Variants in CEP95 observed in about 807,000 individuals in gnomAD.
CEP95 encodes the protein centrosomal protein 95.
CEP95 carries 98 observed loss-of-function variants against 111.2 expected under a neutral mutation model. The observed-to-expected ratio is 0.88, with a 90% CI of 0.75 to 1.04. The LOEUF (loss-of-function observed/expected upper bound fraction) is 1.04, where lower values mean the gene tolerates loss of function less well. CEP95 is among the 50% of genes least tolerant of loss of function. The pLI is 0.00. For synonymous variants in CEP95, 323 were observed against 327.1 expected (o/e 0.99, Z 0.14); for missense variants, 1,027 against 977.2 (o/e 1.05, Z -0.68).
At chr17:64,506,868 C>G (rs1384132895), upstream of CEP95, 1 of 634,590 alleles carries the variant, frequency 1.6e-6, no homozygotes, top group East Asian at 2.7e-5. Flanking sequence ...AGAATGGTCT[C>G]TAAACTTCCC....
chr17:64,537,858 T>A lies in CEP95; in HGVS notation c.*79T>A. 1 of 741,894 alleles carries A rather than the reference T, an allele frequency of 1.3e-6. No homozygotes were observed. Among genetic ancestry groups the A allele is most frequent in the Non-Finnish European group, 1.9e-6 (1 of 519,194 alleles). 46.0% of individuals were successfully genotyped at this position (741,894 alleles called of 1,614,324 possible). On this transcript the variant is annotated 3_prime_UTR_variant, in exon 20 of 20. Coordinates refer to ENST00000556440, the MANE Select transcript of CEP95 (RefSeq NM_138363.3). The stretch of plus-strand genomic sequence containing the variant: ...GCTAGAATCGAGCCAGTAAACAGTC[T>A]AAGCCAGAAAAATAATTTTCAAATG...
chr17:64,524,255 T>A (rs1362108653), intron 8 of CEP95, among the ~76,000 whole-genome samples: 1 of 152,220 alleles, frequency 6.6e-6, no homozygotes, highest in East Asian at 1.9e-4. Context: ...TACTTTATTT[T>A]AAAAGTTTTA....
chr17:64,535,154 C>G (rs1968562813), intron 17 of CEP95: 1 of 190,788 alleles, frequency 5.2e-6, no homozygotes, highest in African/African-American at 2.4e-5. Flanking sequence ...CCTAATCAGG[C>G]TGTGAAATGA....
chr17:64,537,663 C>A lies in CEP95; in HGVS notation c.2350C>A (p.Gln784Lys), dbSNP rs1968748281. 1 of 1,612,798 alleles carries A rather than the reference C, an allele frequency of 6.2e-7. No individual in the cohort carries two copies. The highest frequency in any genetic ancestry group is 1.3e-5 in the African/African-American group (1 of 74,894). ...GATGGAGAAGGAAATTCAGCAGCTGCAGGACATGATAACACAGAATGATGA... is the reference window on the plus strand; with the variant it reads ...GATGGAGAAGGAAATTCAGCAGCTGAAGGACATGATAACACAGAATGATGA... ...SKMEKEIQQL[Q>K]DMITQNDDDV... is the part of the protein sequence containing the mutation. Residue 784 changes from glutamine (Q) to lysine (K), a missense_variant, in exon 20 of 20, where the codon CAG becomes AAG. By Grantham distance (53) the Gln-to-Lys change is moderately conservative. Transcript: ENST00000556440.
rs554843429 is a variant in CEP95 at position 64,510,583 on chromosome 17, T to C, written c.256+303T>C. Among the ~76,000 whole-genome samples the C allele has an allele frequency of 3.9e-5, 6 of 152,340 alleles. No individual in the cohort carries two copies. The East Asian group carries it at 1.2e-3, about 29-fold the overall frequency. ...TATTTTTATTTTTTGATTCAGAGTC[T>C]CTGTTGCCCAGGCTGGAGTGCAGTG... On this transcript the variant is annotated intron_variant, in intron 3 of 19. Coordinates refer to ENST00000556440, the MANE Select transcript of CEP95 (RefSeq NM_138363.3).
chr17:64,520,656 CTAA>C (rs1167615293), intron 6 of CEP95: 3 of 152,172 alleles, frequency 2.0e-5, no homozygotes, highest in African/African-American at 7.2e-5. Context: ...TGGTCTTGAA[CTAA>C]TAACCTCAAG....
Position 64,507,001 on chromosome 17 carries a change from T to G in CEP95, c.-97T>G. On this transcript the variant is annotated 5_prime_UTR_variant, in exon 1 of 20. Coordinates refer to ENST00000556440, the MANE Select transcript of CEP95 (RefSeq NM_138363.3). Reference sequence around the variant, plus strand: ...CCTTCCCCGCGCTTTGGTTCGTGCGTCCGCGCCCCAGTGTCGGGTCTGCGT... The same window carrying G: ...CCTTCCCCGCGCTTTGGTTCGTGCGGCCGCGCCCCAGTGTCGGGTCTGCGT... 1 of 1,425,332 alleles carries G rather than the reference T, an allele frequency of 7.0e-7. No homozygotes were observed. The highest frequency in any genetic ancestry group is 9.7e-7 in the Non-Finnish European group (1 of 1,032,776). The allele number at this position is 1,425,332 out of a possible 1,614,324, so 88.3% of individuals were successfully genotyped here.
At chr17:64,530,509 T>A (rs1361732929) in intron 12 of CEP95, among the ~76,000 whole-genome samples, 1 of 147,306 alleles carries the variant, frequency 6.8e-6, no homozygotes, top group Admixed American at 6.7e-5. Flanking sequence ...CTTTTGTATT[T>A]TTTTTTTTTT....
chr17:64,522,288 T>G (rs1967413949), intron 7 of CEP95, among the ~76,000 whole-genome samples: 1 of 152,218 alleles, frequency 6.6e-6, no homozygotes, highest in Non-Finnish European at 1.5e-5. Context: ...TCAAGCCATT[T>G]AAGTTGCTTC....
intron 12 of CEP95, 131 bp from the exon 13 acceptor site, chr17:64,530,795 G>A (rs972661007): frequency 1.3e-5 from 7 of 525,926 alleles, no homozygotes; most frequent in Admixed American, 7.4e-5. Flanking sequence ...TTGGATGCTC[G>A]GTTGAGGCAC....
chr17:64,508,007 C>T (rs907227682), intron 1 of CEP95: 3 of 985,094 alleles, frequency 3.0e-6, no homozygotes, highest in South Asian at 9.4e-5. Flanking sequence ...CCCATATTTT[C>T]TTTCATATAG....
At chr17:64,522,568 T>C (rs1967438009) in intron 7 of CEP95, 134 bp from the exon 8 acceptor site, 1 of 566,954 alleles carries the variant, frequency 1.8e-6, no homozygotes, top group African/African-American at 1.9e-5. Flanking sequence ...ATTATTTTTT[T>C]ATGTGCTTTG....
At chr17:64,530,013 A>T (rs1555679931) in intron 12 of CEP95, among the ~76,000 whole-genome samples, 1 of 152,254 alleles carries the variant, frequency 6.6e-6, no homozygotes, top group East Asian at 1.9e-4. Context: ...TCCACTCAGG[A>T]GAGTATCAAA....
chr17:64,522,291 G>A (rs1240742672), intron 7 of CEP95, among the ~76,000 whole-genome samples: 1 of 152,030 alleles, frequency 6.6e-6, no homozygotes, highest in Admixed American at 6.6e-5. Context: ...AGCCATTTAA[G>A]TTGCTTCCAG....
chr17:64,531,902 AGAG>A lies in CEP95; in HGVS notation c.1556_1558del (p.Gly519del). ...ATCTGCTTCTAAGGAAAAAATATAC[AGAG>A]GAGAAGCTGTTCGTAAAGGAACTCC... On this transcript the variant is annotated inframe_deletion, in exon 14 of 20. Transcript: ENST00000556440. The A allele has an allele frequency of 1.3e-6, 2 of 1,577,354 alleles. No homozygotes were observed. Among genetic ancestry groups the A allele is most frequent in the Non-Finnish European group, 1.7e-6 (2 of 1,166,754 alleles).
rs1967460360 is a variant in CEP95, at chr17:64,522,789, A to T, written c.803A>T (p.His268Leu). ...GCTATTCCTTTACATCCACCCTACC[A>T]CCCTTCAGAGCCTCGAGCACCCTGC... ...RAAIPLHPPY[H>L]PSEPRAPCPI... The change falls in exon 8 of 20, where the codon CAC becomes CTC. Residue 268 changes from histidine (H) to leucine (L), a missense_variant. Coordinates refer to ENST00000556440, the MANE Select transcript of CEP95 (RefSeq NM_138363.3). 6.2e-7 allele frequency: 1 copy of T among 1,613,624 alleles called. No homozygotes were observed.
rs782787068 is a variant in CEP95, at chr17:64,531,868, C to G, written c.1540-22C>G. Reference sequence around the variant, plus strand: ...AACTGTTAGACCTTTTATTTTTATTCTGTTTTATATCTGCTTCTAAGGAAA... The same window carrying G: ...AACTGTTAGACCTTTTATTTTTATTGTGTTTTATATCTGCTTCTAAGGAAA... On this transcript the variant is annotated intron_variant, in intron 13 of 19. Transcript: ENST00000556440. 5 of 1,490,972 alleles carry G rather than the reference C, an allele frequency of 3.4e-6. No individual in the cohort carries two copies. In the African/African-American group the frequency reaches 5.7e-5, roughly 17 times the overall value. The allele number at this position is 1,490,972 out of a possible 1,614,324, so 92.4% of individuals were successfully genotyped here.
At chr17:64,536,939 T>A in intron 18 of CEP95, 102 bp from the exon 19 acceptor site, 1 of 1,272,628 alleles carries the variant, frequency 7.9e-7, no homozygotes, top group South Asian at 1.4e-5. Flanking sequence ...TATATTTCCC[T>A]ATTTCCATTA....
chr17:64,532,483 C>G (rs1968348523), intron 14 of CEP95: 1 of 985,300 alleles, frequency 1.0e-6, no homozygotes, highest in African/African-American at 1.7e-5. Flanking sequence ...CCCTCCTACT[C>G]TATCCTTTAG....
Sources: allele counts gnomAD v4.1 joint callset (sites outside exome capture counted in the v4.1 genomes callset), GRCh38; gene constraint gnomAD v4.1.1; transcripts MANE v1.5; gene names NCBI Gene and HGNC (gene_info 2026-07-23, HGNC 2026-07-21).